Variants in EDIL3 observed in about 807,000 individuals in gnomAD.
The protein encoded by EDIL3 is EGF-like repeat and discoidin I-like domain-containing protein 3.
Under a neutral mutation model 67.4 loss-of-function variants are expected in EDIL3, and 37 were observed. The ratio of observed to expected loss-of-function variants is 0.55; its 90% CI spans 0.42 to 0.72. The LOEUF (loss-of-function observed/expected upper bound fraction) is 0.72, where lower values mean the gene tolerates loss of function less well. EDIL3 is among the 30% of genes least tolerant of loss of function. The pLI is 0.00. For missense variants in EDIL3, 527 were observed against 586.3 expected (o/e 0.90, Z 1.04); for synonymous variants, 195 against 196.3 (o/e 0.99, Z 0.05).
chr5:84,186,419 T>C (rs1743451392), intron 3 of EDIL3, among the ~76,000 whole-genome samples: 1 of 152,052 alleles, frequency 6.6e-6, no homozygotes, highest in Non-Finnish European at 1.5e-5. Context: ...AAGCACTTTG[T>C]ATGGTATTAA....
chr5:84,342,115 T>A (rs1189483663), intron 1 of EDIL3, among the ~76,000 whole-genome samples: 2 of 152,176 alleles, frequency 1.3e-5, no homozygotes, highest in African/African-American at 4.8e-5. Flanking sequence ...TAAGTGTCCA[T>A]CAATGGATAA....
At chr5:83,975,681 T>C (rs1180975722) in intron 9 of EDIL3, among the ~76,000 whole-genome samples, 1 of 151,904 alleles carries the variant, frequency 6.6e-6, no homozygotes, top group African/African-American at 2.4e-5. Flanking sequence ...TCCTTTTTTA[T>C]ATATTATAAG....
Position 84,132,095 on chromosome 5 carries a change from C to T in EDIL3, c.469+5146G>A, listed in dbSNP as rs554176944. Reference sequence around the variant, plus strand: ...TAAAAATACAAAAAAAATAGCCTGGCGTGGTGGCAGGCACCTGTAATCCCA... The same window carrying T: ...TAAAAATACAAAAAAAATAGCCTGGTGTGGTGGCAGGCACCTGTAATCCCA... On this transcript the variant is annotated intron_variant, in intron 5 of 10. Coordinates refer to ENST00000296591, the MANE Select transcript of EDIL3 (RefSeq NM_005711.5). Among the ~76,000 whole-genome samples, 33 of 149,882 alleles carry T rather than the reference C, an allele frequency of 2.2e-4. 1 individual carries two copies. In the South Asian group the frequency reaches 3.6e-3, roughly 16 times the overall value.
intron 2 of EDIL3, among the ~76,000 whole-genome samples, chr5:84,243,197 C>G (rs1205370827): frequency 6.6e-6 from 1 of 152,094 alleles, no homozygotes; most frequent in African/African-American, 2.4e-5. Context: ...CATACAAAGA[C>G]TATCTGCCCA....
intron 4 of EDIL3, among the ~76,000 whole-genome samples, chr5:84,162,613 T>C (rs1748633000): frequency 6.6e-6 from 1 of 152,120 alleles, no homozygotes; most frequent in South Asian, 2.1e-4. Flanking sequence ...TGGGCCTTTA[T>C]GCTCTGTGCC....
intron 2 of EDIL3, among the ~76,000 whole-genome samples, chr5:84,249,219 T>G (rs1221446494): frequency 1.3e-5 from 2 of 152,180 alleles, no homozygotes; most frequent in African/African-American, 4.8e-5. Flanking sequence ...TGTTGTAGTT[T>G]TTAGTCTGCA....
chr5:84,009,390 A>G (rs755869149), intron 9 of EDIL3, among the ~76,000 whole-genome samples: 9 of 152,108 alleles, frequency 5.9e-5, no homozygotes, highest in Non-Finnish European at 1.2e-4. Flanking sequence ...ATTCTTTCCA[A>G]ACTTGGAAAA....
chr5:84,338,588 A>G (rs991412887), intron 1 of EDIL3, among the ~76,000 whole-genome samples: 2 of 152,124 alleles, frequency 1.3e-5, no homozygotes, highest in African/African-American at 4.8e-5. Flanking sequence ...TTAACTAGGA[A>G]CTAACATGCT....
rs1748179599 is a variant in EDIL3, at chr5:84,384,420, G to T, written c.-46C>A. 2 of 1,606,550 alleles carry T rather than the reference G, an allele frequency of 1.2e-6. No homozygotes were observed. Among genetic ancestry groups the T allele is most frequent in the South Asian group, 1.1e-5 (1 of 90,500 alleles). ...ACCCCGGCTGGTCAGGGGTCGTCGCGGAGGGCAGTGTAGCCGAGGTGGCAG... is the reference window on the plus strand; with the variant it reads ...ACCCCGGCTGGTCAGGGGTCGTCGCTGAGGGCAGTGTAGCCGAGGTGGCAG... On this transcript the variant is annotated 5_prime_UTR_variant, in exon 1 of 11. Transcript: ENST00000296591.
At chr5:84,266,115 T>C (rs1580043875) in intron 1 of EDIL3, among the ~76,000 whole-genome samples, 1 of 152,196 alleles carries the variant, frequency 6.6e-6, no homozygotes, top group East Asian at 1.9e-4. Flanking sequence ...GGCTACCAAA[T>C]AAAATGTGAC....
At chr5:84,159,395 G>T (rs1461756426) in intron 4 of EDIL3, among the ~76,000 whole-genome samples, 2 of 151,944 alleles carry the variant, frequency 1.3e-5, no homozygotes, top group African/African-American at 4.8e-5. Context: ...AAATTAGCTA[G>T]AATCAGAAAA....
intron 5 of EDIL3, among the ~76,000 whole-genome samples, chr5:84,118,205 C>CA (rs1342315159): frequency 6.6e-6 from 1 of 151,616 alleles, no homozygotes; most frequent in South Asian, 2.1e-4. Flanking sequence ...ACGAAAAAAA[C>CA]AAAAAAAGGA....
chr5:84,256,148 C>CTATCTATCTATCTATCTATCATCT lies in EDIL3; in HGVS notation c.68-1937_68-1936insAGATGATAGATAGATAGATAGATA, dbSNP rs3046886. 5.2e-3 allele frequency among the ~76,000 whole-genome samples: 758 copies of CTATCTATCTATCTATCTATCATCT among 146,622 alleles called. 2 individuals carry two copies. The highest frequency in any genetic ancestry group is 0.015 in the East Asian group (75 of 4,858). ...TCTATCTATCTATCTATCTATCTAT[C>CTATCTATCTATCTATCTATCATCT]ATCTATCTATCTATCCATTTATCCA... On this transcript the variant is annotated intron_variant, in intron 1 of 10. Transcript: ENST00000296591.
At chr5:84,363,899 T>G (rs927756724) in intron 1 of EDIL3, among the ~76,000 whole-genome samples, 1 of 152,200 alleles carries the variant, frequency 6.6e-6, no homozygotes, top group Non-Finnish European at 1.5e-5. Context: ...ATATAAGCAT[T>G]GTTCATATTT....
chr5:84,182,851 ATTTAT>A (rs1354121432), intron 3 of EDIL3, among the ~76,000 whole-genome samples: 1 of 151,998 alleles, frequency 6.6e-6, no homozygotes, highest in Non-Finnish European at 1.5e-5. Flanking sequence ...AAAACAATAT[ATTTAT>A]TTAAGTAGAC....
At chr5:84,254,336 A>C in intron 1 of EDIL3, 124 bp from the exon 2 acceptor site, 1 of 1,127,434 alleles carries the variant, frequency 8.9e-7, no homozygotes, top group Non-Finnish European at 1.2e-6. Flanking sequence ...ATTAAGATTC[A>C]CACATAAGAT....
At chr5:84,128,455 A>G (rs1482813218) in intron 5 of EDIL3, among the ~76,000 whole-genome samples, 1 of 147,374 alleles carries the variant, frequency 6.8e-6, no homozygotes, top group Non-Finnish European at 1.5e-5. Context: ...AGAACGCCAC[A>G]TTAACATGTA....
rs777232885 is a variant in EDIL3 at position 83,943,402 on chromosome 5, T to C, written c.*17A>G. On this transcript the variant is annotated 3_prime_UTR_variant, in exon 11 of 11. Coordinates refer to ENST00000296591, the MANE Select transcript of EDIL3 (RefSeq NM_005711.5). ...TTTAGGGAAATAGGGAAGAGGGTTGTGAAATGTAGCCTCCCCTCATTCCTC... is the reference window on the plus strand; with the variant it reads ...TTTAGGGAAATAGGGAAGAGGGTTGCGAAATGTAGCCTCCCCTCATTCCTC... The C allele has an allele frequency of 3.7e-6, 6 of 1,611,974 alleles. No homozygotes were observed. In the South Asian group the frequency reaches 6.6e-5, roughly 18 times the overall value.
At chr5:84,233,782 C>G (rs979787779) in intron 2 of EDIL3, among the ~76,000 whole-genome samples, 1 of 152,074 alleles carries the variant, frequency 6.6e-6, no homozygotes, top group African/African-American at 2.4e-5. Context: ...TGGAAATAAC[C>G]CCTTCTCACT....
Sources: allele counts gnomAD v4.1 joint callset (sites outside exome capture counted in the v4.1 genomes callset), GRCh38; gene constraint gnomAD v4.1.1; transcripts MANE v1.5; gene names NCBI Gene and HGNC (gene_info 2026-07-23, HGNC 2026-07-21).